Variants in MYLK4 observed in about 807,000 individuals in gnomAD.
The protein encoded by MYLK4 is myosin light chain kinase family member 4.
MYLK4 carries 46 observed loss-of-function variants against 48.1 expected under a neutral mutation model. The observed-to-expected ratio is 0.96, with a 90% CI of 0.75 to 1.22. The LOEUF (loss-of-function observed/expected upper bound fraction) is 1.22. Among genes scored for constraint, MYLK4 ranks in the 50% most tolerant of loss-of-function variants. The probability of loss-of-function intolerance (pLI) is 0.00; values close to 1 mark genes in which losing one functional copy is unlikely to be tolerated. For synonymous variants in MYLK4, 170 were observed against 180.8 expected, an observed-to-expected ratio of 0.94 and a Z score of 0.48; for missense variants, 451 against 486.1, an observed-to-expected ratio of 0.93 and a Z score of 0.68.
intron 2 of MYLK4, among the ~76,000 whole-genome samples, chr6:2,721,839 G>C (rs1199543731): frequency 6.6e-6 from 1 of 152,288 alleles, no homozygotes. Context: ...GAACTTGTTT[G>C]GACTTCTCAA....
At chr6:2,706,103 A>T (rs1762477683) in intron 2 of MYLK4, among the ~76,000 whole-genome samples, 3 of 152,238 alleles carry the variant, frequency 2.0e-5, no homozygotes, top group Non-Finnish European at 4.4e-5. Context: ...ATCTTTAAAA[A>T]TGTCATAGGA....
chr6:2,769,787 C>G, the MYLK4 span, among the ~76,000 whole-genome samples: 1 of 152,128 alleles, frequency 6.6e-6, no homozygotes, highest in Non-Finnish European at 1.5e-5. Context: ...TACATATAAG[C>G]TATGTGCCAG....
the MYLK4 span, among the ~76,000 whole-genome samples, chr6:2,766,674 A>C: frequency 6.6e-6 from 1 of 152,196 alleles, no homozygotes; most frequent in African/African-American, 2.4e-5. Flanking sequence ...CCGGGTTTGC[A>C]AAAGGACGAT....
chr6:2,682,090 A>C (rs574779279), intron 7 of MYLK4, among the ~76,000 whole-genome samples: 1 of 152,330 alleles, frequency 6.6e-6, no homozygotes, highest in East Asian at 1.9e-4. Flanking sequence ...AGGGAAGCCA[A>C]GTTATAGGAA....
At chr6:2,717,589 C>T (rs946479802) in intron 2 of MYLK4, among the ~76,000 whole-genome samples, 1 of 152,228 alleles carries the variant, frequency 6.6e-6, no homozygotes, top group Non-Finnish European at 1.5e-5. Flanking sequence ...AACCTAAGGT[C>T]ACACTGAATA....
At chr6:2,691,481 T>C (rs768520370) in intron 3 of MYLK4, among the ~76,000 whole-genome samples, 80 of 152,352 alleles carry the variant, frequency 5.3e-4, no homozygotes, top group African/African-American at 1.4e-4. Context: ...AATCTATAAG[T>C]GAAACTGTGT....
chr6:2,727,862 G>T (rs868056077), intron 2 of MYLK4, among the ~76,000 whole-genome samples: 1 of 150,284 alleles, frequency 6.7e-6, no homozygotes, highest in Non-Finnish European at 1.5e-5. Context: ...CAGGAGAATC[G>T]CTTGAACCCG....
At chr6:2,691,964 C>T (rs949755996) in intron 3 of MYLK4, among the ~76,000 whole-genome samples, 1 of 152,210 alleles carries the variant, frequency 6.6e-6, no homozygotes, top group Non-Finnish European at 1.5e-5. Flanking sequence ...TGTGGATACG[C>T]AATGCTGTAA....
At position 2,672,288 on chromosome 6, in the gene MYLK4, C is replaced by A. The variant is rs991210344; in HGVS notation, c.1120-940G>T. On this transcript the variant is annotated intron_variant, in intron 11 of 12. Transcript: ENST00000274643. This position sits in a 1 kb window ranked among gnomAD's most constrained non-coding sequence, Gnocchi z 4.3. ...TAATTTGGGAGTGCTTTGCCCCACC[C>A]CAGCTGAGAGCTGCTTCTGATGGAA... is the stretch of plus-strand genomic sequence containing the variant. Among the ~76,000 whole-genome samples, 5 of 152,174 alleles carry A rather than the reference C, an allele frequency of 3.3e-5. No homozygotes were observed. Among genetic ancestry groups the A allele is most frequent in the Non-Finnish European group, 5.9e-5 (4 of 68,042 alleles).
At chr6:2,737,468 C>T (rs531966922) in intron 2 of MYLK4, among the ~76,000 whole-genome samples, 44 of 152,224 alleles carry the variant, frequency 2.9e-4, no homozygotes, top group Non-Finnish European at 5.9e-4. Flanking sequence ...TCTTCAGTCT[C>T]TGATGGTAAC....
chr6:2,759,392 C>G, the MYLK4 span, among the ~76,000 whole-genome samples: 1 of 152,360 alleles, frequency 6.6e-6, no homozygotes, highest in South Asian at 2.1e-4. Flanking sequence ...CAGACATGAA[C>G]CACTGTGCCC....
chr6:2,768,837 C>A, the MYLK4 span: 1 of 1,613,320 alleles, frequency 6.2e-7, no homozygotes, highest in Non-Finnish European at 8.5e-7. Flanking sequence ...AAAGGAAAAC[C>A]ATCCTTTTTA....
the MYLK4 span, among the ~76,000 whole-genome samples, chr6:2,757,866 G>A: frequency 2.0e-5 from 3 of 152,150 alleles, no homozygotes; most frequent in Non-Finnish European, 4.4e-5. Flanking sequence ...TAAAAAGGTT[G>A]CCAAAATAAA....
chr6:2,739,725 TGTACA>T (rs1182020067), intron 2 of MYLK4, among the ~76,000 whole-genome samples: 1 of 152,242 alleles, frequency 6.6e-6, no homozygotes, highest in African/African-American at 2.4e-5. Flanking sequence ...CAGGAGGCAC[TGTACA>T]GGTTGTATCT....
chr6:2,732,986 T>C (rs1038655217), intron 2 of MYLK4, among the ~76,000 whole-genome samples: 1 of 152,202 alleles, frequency 6.6e-6, no homozygotes, highest in African/African-American at 2.4e-5. Flanking sequence ...ATTTCTCAAG[T>C]CGATTCAAGG....
At chr6:2,766,371 C>A in the MYLK4 span, 4 of 1,609,280 alleles carry the variant, frequency 2.5e-6, no homozygotes, top group East Asian at 2.2e-5. Context: ...GGCCAGGATA[C>A]CCTGCTGCGC....
At chr6:2,703,085 C>T (rs1582069378) in intron 2 of MYLK4, among the ~76,000 whole-genome samples, 1 of 152,102 alleles carries the variant, frequency 6.6e-6, no homozygotes, top group African/African-American at 2.4e-5. Context: ...AACCTCCCGA[C>T]CTCGCCTCCT....
chr6:2,686,458 A>G (rs1285684442), intron 4 of MYLK4, among the ~76,000 whole-genome samples: 2 of 152,240 alleles, frequency 1.3e-5, no homozygotes, highest in Non-Finnish European at 2.9e-5. Context: ...GTAATCACAT[A>G]CAGATGTGCA....
At chr6:2,676,273 A>G (rs999130310) in intron 10 of MYLK4, among the ~76,000 whole-genome samples, 2 of 152,190 alleles carry the variant, frequency 1.3e-5, no homozygotes, top group Non-Finnish European at 2.9e-5. Flanking sequence ...AGAGGAGATA[A>G]GTCTTTATTA....
Sources: allele counts gnomAD v4.1 joint callset (sites outside exome capture counted in the v4.1 genomes callset), GRCh38; gene constraint gnomAD v4.1.1; non-coding constraint Gnocchi (gnomAD v3.1); transcripts MANE v1.5; gene names NCBI Gene and HGNC (gene_info 2026-07-23, HGNC 2026-07-21).